The following TRPM3 variants were observed in gnomAD, a reference collection of about 807,000 sequenced individuals.
TRPM3 encodes transient receptor potential cation channel subfamily M member 3, also known as long transient receptor potential channel 3.
Under a neutral mutation model 181.2 loss-of-function variants are expected in TRPM3, and 77 were observed. That is an observed-to-expected ratio of 0.42 (90% confidence interval 0.35 to 0.51). TRPM3 has a LOEUF of 0.51. Ranked by LOEUF, TRPM3 falls within the 20% of genes least tolerant of loss-of-function variation. TRPM3 has a pLI of 0.01. For synonymous variants in TRPM3, 745 were observed against 796.4 expected, an observed-to-expected ratio of 0.94 and a Z score of 1.09; for missense variants, 1,759 against 2,196.7, an observed-to-expected ratio of 0.80 and a Z score of 3.98.
chr9:70,978,204 G>A (rs113301945), intron 1 of TRPM3, among the ~76,000 whole-genome samples: 1 of 152,268 alleles, frequency 6.6e-6, no homozygotes, highest in African/African-American at 2.4e-5. Flanking sequence ...TGCCAAATAC[G>A]TATTTCTTAT....
At chr9:71,070,639 T>A (rs910307474) in intron 1 of TRPM3, among the ~76,000 whole-genome samples, 1 of 152,222 alleles carries the variant, frequency 6.6e-6, no homozygotes, top group Non-Finnish European at 1.5e-5. Flanking sequence ...AAAAACGTAT[T>A]CACTTTTTTT....
At chr9:70,957,390 A>G (rs2097089410) in intron 1 of TRPM3, among the ~76,000 whole-genome samples, 1 of 152,160 alleles carries the variant, frequency 6.6e-6, no homozygotes. Flanking sequence ...TGAAGCATCG[A>G]CTACTTGTTA....
At chr9:71,095,589 T>C (rs1227019923) in intron 1 of TRPM3, among the ~76,000 whole-genome samples, 3 of 151,710 alleles carry the variant, frequency 2.0e-5, no homozygotes, top group Non-Finnish European at 2.9e-5. Flanking sequence ...CAAAACCTCG[T>C]CCCTACTAAA....
rs776398925 is a variant in TRPM3 at position 71,446,788 on chromosome 9, G to A, written c.48C>T (p.Ser16=). Reference sequence around the variant, plus strand: ...GGCTCTCCGCGTTGTCCTCGCGGTCGGAGCAGCCCCGCTCCATTTCCGCCG... The same window carrying A: ...GGCTCTCCGCGTTGTCCTCGCGGTCAGAGCAGCCCCGCTCCATTTCCGCCG... The change falls in exon 1 of 25, where the codon TCC becomes TCT. Residue 16 remains serine, a synonymous_variant. Coordinates refer to the TRPM3 transcript ENST00000357533. 10 of 1,550,054 alleles carry A rather than the reference G, an allele frequency of 6.5e-6. No individual in the cohort carries two copies. The Admixed American group carries it at 9.8e-5, about 15-fold the overall frequency.
At chr9:71,224,995 T>A (rs1424635277) in intron 1 of TRPM3, among the ~76,000 whole-genome samples, 2 of 152,142 alleles carry the variant, frequency 1.3e-5, no homozygotes, top group African/African-American at 4.8e-5. Context: ...ATCTAAGAGT[T>A]ATTGGCCTTA....
intron 1 of TRPM3, among the ~76,000 whole-genome samples, chr9:71,378,886 T>C (rs2092727000): frequency 6.6e-6 from 1 of 152,004 alleles, no homozygotes; most frequent in African/African-American, 2.4e-5. Flanking sequence ...TGCGTACAAC[T>C]ATCTCTGAAA....
chr9:71,345,291 G>A (rs1461789273), intron 1 of TRPM3, among the ~76,000 whole-genome samples: 1 of 152,106 alleles, frequency 6.6e-6, no homozygotes, highest in African/African-American at 2.4e-5. Context: ...ACATGCACAC[G>A]TATGTTTACT....
At chr9:71,373,175 C>G (rs543559958) in intron 1 of TRPM3, among the ~76,000 whole-genome samples, 8 of 151,954 alleles carry the variant, frequency 5.3e-5, no homozygotes, top group Admixed American at 1.3e-4. Flanking sequence ...AAAGCTAGAA[C>G]GATCTCAGTT....
At chr9:70,967,795 G>A (rs559847855) in intron 1 of TRPM3, among the ~76,000 whole-genome samples, 1 of 152,152 alleles carries the variant, frequency 6.6e-6, no homozygotes, top group Admixed American at 6.6e-5. Context: ...ATAGGGTTTT[G>A]AAAATTTACC....
chr9:71,364,446 AT>A (rs1450872840), intron 1 of TRPM3, among the ~76,000 whole-genome samples: 1 of 152,246 alleles, frequency 6.6e-6, no homozygotes, highest in Non-Finnish European at 1.5e-5. Context: ...TGGTGGGCAG[AT>A]TACCTCAACA....
chr9:71,290,627 T>C (rs1379268039), intron 1 of TRPM3, among the ~76,000 whole-genome samples: 1 of 152,044 alleles, frequency 6.6e-6, no homozygotes, highest in African/African-American at 2.4e-5. Flanking sequence ...AAGAATAATG[T>C]ATAGACACAT....
intron 1 of TRPM3, among the ~76,000 whole-genome samples, chr9:71,428,354 C>T (rs557949054): frequency 7.2e-5 from 11 of 151,746 alleles, no homozygotes; most frequent in African/African-American, 2.4e-4. Flanking sequence ...CCTCAGCCTC[C>T]GAAAGTTCTG....
In TRPM3 at chr9:70,625,801, G is replaced by A. The variant is rs963610892; in HGVS notation, c.1633-284C>T. On this transcript the variant is annotated intron_variant, in intron 12 of 25. Coordinates refer to ENST00000677713, the MANE Select transcript of TRPM3 (RefSeq NM_001366145.2). This position sits in a 1 kb window ranked among gnomAD's most constrained non-coding sequence, Gnocchi z 4.8. ...CTTTAAAGGAAGACTCCTTTCAGAA[G>A]ATGAGTGTCATTACCAGAGCCTCCA... Among the ~76,000 whole-genome samples the A allele has an allele frequency of 1.3e-5, 2 of 152,190 alleles. No individual in the cohort carries two copies. Among genetic ancestry groups the A allele is most frequent in the Non-Finnish European group, 2.9e-5 (2 of 68,040 alleles).
chr9:70,822,363 A>G (rs534618645), intron 6 of TRPM3, among the ~76,000 whole-genome samples: 3 of 152,318 alleles, frequency 2.0e-5, no homozygotes, highest in Admixed American at 6.5e-5. Flanking sequence ...ATGACCATGC[A>G]TCACTCTTGA....
chr9:70,668,229 C>T (rs2062131190), intron 9 of TRPM3, among the ~76,000 whole-genome samples: 1 of 152,142 alleles, frequency 6.6e-6, no homozygotes, highest in Admixed American at 6.5e-5. Flanking sequence ...GTATAGATTC[C>T]ATGAACTTCT....
At chr9:71,305,517 T>G (rs190637293) in intron 1 of TRPM3, among the ~76,000 whole-genome samples, 1 of 152,244 alleles carries the variant, frequency 6.6e-6, no homozygotes, top group East Asian at 1.9e-4. Context: ...GAAAATGTAG[T>G]GAAAAATATT....
intron 14 of TRPM3, among the ~76,000 whole-genome samples, chr9:70,623,512 G>C (rs953910089): frequency 6.6e-6 from 1 of 152,170 alleles, no homozygotes; most frequent in Non-Finnish European, 1.5e-5. Flanking sequence ...GATGTAATTG[G>C]GTTTGGCACC....
intron 7 of TRPM3, among the ~76,000 whole-genome samples, chr9:70,772,572 C>T (rs963028520): frequency 2.6e-5 from 4 of 152,158 alleles, no homozygotes; most frequent in African/African-American, 9.7e-5. Context: ...ATCCACCTGC[C>T]TCGGCATCCC....
chr9:71,045,989 C>CTTT (rs141410620), intron 1 of TRPM3, among the ~76,000 whole-genome samples: 15 of 145,348 alleles, frequency 1.0e-4, no homozygotes, highest in East Asian at 6.0e-4. Flanking sequence ...ATTGCCTACA[C>CTTT]TTTTTTTTTT....
Sources: allele counts gnomAD v4.1 joint callset (sites outside exome capture counted in the v4.1 genomes callset), GRCh38; gene constraint gnomAD v4.1.1; non-coding constraint Gnocchi (gnomAD v3.1); transcripts MANE v1.5; gene names NCBI Gene and HGNC (gene_info 2026-07-23, HGNC 2026-07-21).